Variants in GABRB1 observed in about 807,000 individuals in gnomAD.
The protein encoded by GABRB1 is gamma-aminobutyric acid type A receptor subunit beta1.
GABRB1 carries 17 observed loss-of-function variants against 51.6 expected under a neutral mutation model. The ratio of observed to expected loss-of-function variants is 0.33; its 90% CI spans 0.23 to 0.49. The LOEUF (loss-of-function observed/expected upper bound fraction) is 0.49. GABRB1 is among the 20% of genes least tolerant of loss of function. GABRB1 has a pLI of 0.99. For missense variants in GABRB1, 410 were observed against 600.6 expected (o/e 0.68, Z 3.32); for synonymous variants, 247 against 218.9 (o/e 1.13, Z -1.14).
chr4:47,215,755 T>C (rs1347762478), intron 4 of GABRB1, among the ~76,000 whole-genome samples: 1 of 152,094 alleles, frequency 6.6e-6, no homozygotes, highest in Non-Finnish European at 1.5e-5. Context: ...TAGTAACTTA[T>C]TTACAAGAAA....
At chr4:47,209,397 T>A (rs1346648395) in intron 4 of GABRB1, among the ~76,000 whole-genome samples, 1 of 152,180 alleles carries the variant, frequency 6.6e-6, no homozygotes, top group African/African-American at 2.4e-5. Flanking sequence ...ATCTATTAAA[T>A]CTAATTTCAT....
intron 3 of GABRB1, among the ~76,000 whole-genome samples, chr4:47,130,325 C>CTGTGTGTGTG (rs67244692): frequency 3.7e-5 from 5 of 133,736 alleles, no homozygotes; most frequent in East Asian, 2.3e-4. Flanking sequence ...GCTCCAGATA[C>CTGTGTGTGTG]TGTGTGTGTG....
chr4:47,344,773 A>T (rs1050758554), intron 5 of GABRB1, among the ~76,000 whole-genome samples: 18 of 152,056 alleles, frequency 1.2e-4, no homozygotes, highest in African/African-American at 4.4e-4. Context: ...CCCAGGCTGG[A>T]GTGCTGTGGC....
chr4:47,280,814 ATTTTTT>A (rs750413197), intron 4 of GABRB1, among the ~76,000 whole-genome samples: 1 of 124,984 alleles, frequency 8.0e-6, no homozygotes. Flanking sequence ...TGTCTGGCTA[ATTTTTT>A]TTTTTTTTTT....
chr4:47,226,982 T>C (rs1720965294), intron 4 of GABRB1, among the ~76,000 whole-genome samples: 1 of 152,206 alleles, frequency 6.6e-6, no homozygotes, highest in Non-Finnish European at 1.5e-5. Flanking sequence ...ATTGCTCCCA[T>C]ATTTATTTCA....
chr4:47,156,120 T>A (rs1717688157), intron 3 of GABRB1, among the ~76,000 whole-genome samples: 1 of 151,782 alleles, frequency 6.6e-6, no homozygotes, highest in South Asian at 2.1e-4. Flanking sequence ...GTGATAGTTC[T>A]GTTTTCAATT....
intron 4 of GABRB1, among the ~76,000 whole-genome samples, chr4:47,267,871 T>C (rs76122817): frequency 6.6e-6 from 1 of 152,076 alleles, no homozygotes; most frequent in Non-Finnish European, 1.5e-5. Context: ...AAAAAAAAAG[T>C]AAGTTGTCAT....
intron 4 of GABRB1, among the ~76,000 whole-genome samples, chr4:47,171,798 C>A (rs1485631245): frequency 6.6e-6 from 1 of 152,038 alleles, no homozygotes; most frequent in East Asian, 1.9e-4. Context: ...TTGCTTACAT[C>A]ATCATTATCA....
chr4:47,373,636 A>G (rs1161608873), intron 5 of GABRB1, among the ~76,000 whole-genome samples: 1 of 152,208 alleles, frequency 6.6e-6, no homozygotes, highest in East Asian at 1.9e-4. Flanking sequence ...AATAAGGACA[A>G]TACCAACTTT....
chr4:47,299,178 G>A (rs988595664), intron 4 of GABRB1, among the ~76,000 whole-genome samples: 4 of 152,084 alleles, frequency 2.6e-5, no homozygotes, highest in African/African-American at 9.7e-5. Flanking sequence ...CATAGACATG[G>A]GCAAGGACTT....
intron 3 of GABRB1, among the ~76,000 whole-genome samples, chr4:47,074,631 A>G (rs1286826794): frequency 6.6e-6 from 1 of 152,192 alleles, no homozygotes; most frequent in Admixed American, 6.6e-5. Flanking sequence ...TATTATTGCT[A>G]TTATGACTAG....
In GABRB1 at chr4:47,209,558, T is replaced by G. The variant is rs539951735; in HGVS notation, c.461+48089T>G. Among the ~76,000 whole-genome samples, 9 of 152,280 alleles carry G rather than the reference T, an allele frequency of 5.9e-5. No homozygotes were observed. The South Asian group carries it at 1.9e-3, about 32-fold the overall frequency. On this transcript the variant is annotated intron_variant, in intron 4 of 8. Transcript: ENST00000295454. ...ACAATAACACTCTCTTGGTGTTCAT[T>G]GCATTGTGCAATTTTTAGTGTATTT...
chr4:47,395,049 T>C (rs943124579), intron 5 of GABRB1, among the ~76,000 whole-genome samples: 2 of 152,136 alleles, frequency 1.3e-5, no homozygotes, highest in African/African-American at 4.8e-5. Context: ...ATGTGAAATG[T>C]ACAGCATTGC....
chr4:47,027,533 A>T (rs1007239117), upstream of GABRB1, among the ~76,000 whole-genome samples: 6 of 151,656 alleles, frequency 4.0e-5, no homozygotes, highest in Non-Finnish European at 7.4e-5. Flanking sequence ...TATTAATATA[A>T]CCTGAAACAC....
chr4:47,057,341 A>C (rs1726658031), intron 3 of GABRB1, among the ~76,000 whole-genome samples: 1 of 152,198 alleles, frequency 6.6e-6, no homozygotes, highest in Non-Finnish European at 1.5e-5. Flanking sequence ...GTTTTTATAC[A>C]ATGTGATTCA....
chr4:47,403,792 G>C, intron 7 of GABRB1, 81 bp downstream of exon 7: 1 of 1,411,648 alleles, frequency 7.1e-7, no homozygotes. Flanking sequence ...ATAGGCAAGG[G>C]CTCTCTTATA....
chr4:47,326,694 A>T (rs1333812774), intron 5 of GABRB1, among the ~76,000 whole-genome samples: 3 of 152,154 alleles, frequency 2.0e-5, no homozygotes, highest in African/African-American at 7.2e-5. Context: ...ACACAGCTAG[A>T]AGTTACCTTT....
intron 4 of GABRB1, among the ~76,000 whole-genome samples, chr4:47,255,744 G>A (rs1722173180): frequency 1.3e-5 from 2 of 152,164 alleles, no homozygotes; most frequent in Non-Finnish European, 1.5e-5. Flanking sequence ...GATTAACAAT[G>A]TTTCATATAA....
At chr4:47,350,273 A>G (rs1426329928) in intron 5 of GABRB1, among the ~76,000 whole-genome samples, 1 of 117,948 alleles carries the variant, frequency 8.5e-6, no homozygotes, top group African/African-American at 3.2e-5. Flanking sequence ...ATGTGTGTAT[A>G]TATATATATA....
Sources: gnomAD v4.1 joint callset for allele counts (sites outside exome capture counted in the v4.1 genomes callset) on GRCh38, gnomAD v4.1.1 for gene constraint, MANE v1.5 for transcripts, NCBI Gene and HGNC (gene_info 2026-07-23, HGNC 2026-07-21) for gene names.